The following EPHB6 variants were observed in gnomAD, a reference collection of about 807,000 sequenced individuals.
EPHB6 encodes the protein EPH receptor B6.
EPHB6 carries 51 observed loss-of-function variants against 107.0 expected under a neutral mutation model. That is an observed-to-expected ratio of 0.48 (90% confidence interval 0.38 to 0.60). The LOEUF (loss-of-function observed/expected upper bound fraction) is 0.60, where lower values mean the gene tolerates loss of function less well. Among genes scored for constraint, EPHB6 ranks in the 20% least tolerant of loss-of-function variants. EPHB6 has a pLI of 0.00. For synonymous variants in EPHB6, 553 were observed against 549.0 expected (o/e 1.01, Z -0.10); for missense variants, 1,141 against 1,355.5 (o/e 0.84, Z 2.48).
intron 1 of EPHB6, among the ~76,000 whole-genome samples, chr7:142,857,407 C>T (rs1802654370): frequency 6.6e-6 from 1 of 152,130 alleles, no homozygotes; most frequent in Non-Finnish European, 1.5e-5. Context: ...GGCCAGAGCA[C>T]GAAGAGATCT....
chr7:142,869,821 C>T lies in EPHB6; in HGVS notation c.2465C>T (p.Pro822Leu). 6.2e-7 allele frequency: 1 copy of T among 1,614,204 alleles called. No homozygotes were observed. Among genetic ancestry groups the T allele is most frequent in the Non-Finnish European group, 8.5e-7 (1 of 1,180,046 alleles). ...GCTTTTGACTTTACCCCTCAGGGCCCAAGTTGTTTGCTTCGCTGGGCAGCC... is the reference window on the plus strand; with the variant it reads ...GCTTTTGACTTTACCCCTCAGGGCCTAAGTTGTTTGCTTCGCTGGGCAGCC... ...VARLGHSPQG[P>L]SCLLRWAAPE... Residue 822 changes from proline (P) to leucine (L), a missense_variant, in exon 17 of 20, where the codon CCA (proline) becomes CTA (leucine). Physicochemically the swap from Pro to Leu is moderately conservative, Grantham distance 98. This residue lies in a region of EPHB6 where 616 missense variants were observed against 759.3 expected (regional missense o/e 0.81). Transcript: ENST00000652003. The surrounding 1 kb of genome is among the most constrained non-coding windows in gnomAD (Gnocchi z 4.5).
At chr7:142,865,767 C>A in intron 8 of EPHB6, 137 bp downstream of exon 8, 1 of 1,271,064 alleles carries the variant, frequency 7.9e-7, no homozygotes, top group Non-Finnish European at 1.1e-6. Flanking sequence ...CCTCCCCTCC[C>A]TGTCCCCACC....
Position 142,864,643 on chromosome 7 carries a change from C to A in EPHB6, c.843C>A (p.Ser281Arg). 1.9e-6 allele frequency: 3 copies of A among 1,611,684 alleles called. No individual in the cohort carries two copies. The highest frequency in any genetic ancestry group is 2.5e-6 in the Non-Finnish European group (3 of 1,179,150). Reference protein sequence around the residue: ...EDGVGGQAGGSPPRLHCNGEG... With the variant: ...EDGVGGQAGGRPPRLHCNGEG... ...GAGTAGGGGGCCAGGCAGGAGGCAG[C>A]CCCCCCAGGCTGCACTGCAACGGGG... The change falls in exon 7 of 20, where the codon AGC becomes AGA. Residue 281 changes from serine (S) to arginine (R), a missense_variant. By Grantham distance (110) the Ser-to-Arg change is moderately radical. Around this residue, in one of 3 missense-constraint regions of EPHB6, gnomAD observed 304 missense variants for 295.7 expected, o/e 1.03. Transcript: ENST00000652003.
chr7:142,858,727 A>G (rs1417149765), intron 1 of EPHB6, among the ~76,000 whole-genome samples: 1 of 148,594 alleles, frequency 6.7e-6, no homozygotes, highest in Non-Finnish European at 1.5e-5. Flanking sequence ...TTTCATTTTT[A>G]TAGCAACATA....
Position 142,869,818 on chromosome 7 carries a change from G to T in EPHB6, c.2462G>T (p.Gly821Val), listed in dbSNP as rs144022580. The change falls in exon 17 of 20, where the codon GGC becomes GTC. Residue 821 changes from glycine to valine, a missense_variant and splice_region_variant. By Grantham distance (109) the Gly-to-Val change is moderately radical (BLOSUM62 -3). Coordinates refer to ENST00000652003, the MANE Select transcript of EPHB6 (RefSeq NM_004445.6). This position sits in a 1 kb window ranked among gnomAD's most constrained non-coding sequence, Gnocchi z 4.5. ...KVARLGHSPQ[G>V]PSCLLRWAAP... ...TTTGCTTTTGACTTTACCCCTCAGG[G>T]CCCAAGTTGTTTGCTTCGCTGGGCA... 1.8e-4 allele frequency: 294 copies of T among 1,614,182 alleles called. 2 individuals carry two copies. In the South Asian group the frequency reaches 3.1e-3, roughly 17 times the overall value.
rs1167117665 is a variant in EPHB6 at position 142,868,231 on chromosome 7, A to T, written c.1919-10A>T. 6.2e-7 allele frequency: 1 copy of T among 1,613,830 alleles called. No individual in the cohort carries two copies. Among genetic ancestry groups the T allele is most frequent in the Non-Finnish European group, 8.5e-7 (1 of 1,179,922 alleles). ...ACAACACGCTCATAACATACTCCACACCCCTCCAGGACTCGGGGTGAAGTA... is the reference window on the plus strand; with the variant it reads ...ACAACACGCTCATAACATACTCCACTCCCCTCCAGGACTCGGGGTGAAGTA... On this transcript the variant is annotated splice_polypyrimidine_tract_variant and intron_variant, in intron 13 of 19. Coordinates refer to ENST00000652003, the MANE Select transcript of EPHB6 (RefSeq NM_004445.6). The surrounding 1 kb of genome is among the most constrained non-coding windows in gnomAD (Gnocchi z 4.2).
Position 142,864,553 on chromosome 7 carries a change from T to TG in EPHB6, c.760dup (p.Ala254GlyfsTer71), listed in dbSNP as rs756241644. The stretch of plus-strand genomic sequence containing the variant: ...TTCCAGAGACGCAGGCCAGTGGGGC[T>TG]GGGGGGGCCTCCCTGGTGGCAGCTG... On this transcript the variant is annotated frameshift_variant, in exon 7 of 20. Coordinates refer to ENST00000652003, the MANE Select transcript of EPHB6 (RefSeq NM_004445.6). LOFTEE classifies it high-confidence loss of function. The TG allele has an allele frequency of 1.4e-5, 22 of 1,613,020 alleles. No homozygotes were observed. Among genetic ancestry groups the TG allele is most frequent in the Admixed American group, 1.7e-5 (1 of 60,002 alleles).
rs760618193 is a variant in EPHB6, at chr7:142,864,452, G to A, written c.652G>A (p.Gly218Arg). 1.9e-6 allele frequency: 3 copies of A among 1,612,810 alleles called. No homozygotes were observed. Among genetic ancestry groups the A allele is most frequent in the South Asian group, 1.1e-5 (1 of 91,062 alleles). ...CTTCTACGTGGCCTTCCAGGACACG[G>A]GGGCCTGCCTGGCCCTGGTCGCTGT... is the stretch of plus-strand genomic sequence containing the variant. ...RGFYVAFQDT[G>R]ACLALVAVRL... is the part of the protein sequence containing the mutation. Residue 218 changes from glycine to arginine, a missense_variant, in exon 7 of 20, where the codon GGG (glycine) becomes AGG (arginine). Around this residue, in one of 3 missense-constraint regions of EPHB6, gnomAD observed 221 missense variants for 300.5 expected, o/e 0.74. Transcript: ENST00000652003.
In EPHB6 at chr7:142,865,483, C is replaced by T. The variant is rs745425973; in HGVS notation, c.958C>T (p.Arg320Trp). Residue 320 changes from arginine (R) to tryptophan (W), a missense_variant, in exon 8 of 20, where the codon CGG becomes TGG. Physicochemically the swap from Arg to Trp is moderately radical, Grantham distance 101. This residue lies in a region of EPHB6 where 304 missense variants were observed against 295.7 expected (regional missense o/e 1.03). Transcript: ENST00000652003. ...CTCCTCTGCCTCCTCAGCCTGCCCA[C>T]GGGGGCTCTATAAGGCTTCTGCTGG... ...RGDKACQACP[R>W]GLYKASAGNA... 27 of 1,613,098 alleles carry T rather than the reference C, an allele frequency of 1.7e-5. No individual in the cohort carries two copies. Among genetic ancestry groups the T allele is most frequent in the South Asian group, 6.6e-5 (6 of 91,042 alleles).
At chr7:142,859,719 G>T (rs1438951184) in intron 1 of EPHB6, among the ~76,000 whole-genome samples, 1 of 152,000 alleles carries the variant, frequency 6.6e-6, no homozygotes, top group African/African-American at 2.4e-5. Flanking sequence ...TATCCTTCTG[G>T]GTACTTTAAG....
rs756659047 is a variant in EPHB6, at chr7:142,864,108, C to T, written c.308C>T (p.Ala103Val). 1.1e-5 allele frequency: 18 copies of T among 1,613,894 alleles called. No individual in the cohort carries two copies. The highest frequency in any genetic ancestry group is 4.4e-5 in the South Asian group (4 of 91,090). The change falls in exon 7 of 20, where the codon GCG (alanine) becomes GTG (valine). Residue 103 changes from alanine (A) to valine (V), a missense_variant. Coordinates refer to ENST00000652003, the MANE Select transcript of EPHB6 (RefSeq NM_004445.6). Reference protein sequence around the residue: ...HFVERRGAQRAHIRLHFSVRA... With the variant: ...HFVERRGAQRVHIRLHFSVRA... ...GTGGAGCGGCGCGGGGCCCAGAGGG[C>T]GCACATTCGACTCCACTTCTCTGTG...
chr7:142,863,532 C>G (rs1332532035), intron 5 of EPHB6, 99 bp from the exon 6 acceptor site: 1 of 1,442,800 alleles, frequency 6.9e-7, no homozygotes, highest in African/African-American at 1.4e-5. Context: ...AGACATGGGC[C>G]CGGGTGGGGC....
intron 1 of EPHB6, among the ~76,000 whole-genome samples, chr7:142,857,338 C>G (rs1317179286): frequency 6.6e-6 from 1 of 152,242 alleles, no homozygotes. Context: ...GCCACCTCCT[C>G]ACTGTCTGTC....
rs1794763684 is a variant in EPHB6, at chr7:142,869,024, A to C, written c.2337A>C (p.Gly779=). The C allele has an allele frequency of 3.1e-6, 5 of 1,612,036 alleles. No homozygotes were observed. Among genetic ancestry groups the C allele is most frequent in the Non-Finnish European group, 3.4e-6 (4 of 1,179,880 alleles). The stretch of plus-strand genomic sequence containing the variant: ...TGCAGCTGGTGGCCATGCAGCGGGG[A>C]GTGGCTGCTGCCATGCAGTACCTGT... The part of the protein sequence containing the change: ...SSLQLVAMQR[G]VAAAMQYLSS... The change falls in exon 16 of 20, where the codon GGA becomes GGC. Residue 779 remains glycine, a synonymous_variant. Coordinates refer to ENST00000652003, the MANE Select transcript of EPHB6 (RefSeq NM_004445.6). The surrounding 1 kb of genome is among the most constrained non-coding windows in gnomAD (Gnocchi z 4.5).
Position 142,866,352 on chromosome 7 carries a change from C to T in EPHB6, c.1462+36C>T, listed in dbSNP as rs1401720007. 1 of 1,612,622 alleles carries T rather than the reference C, an allele frequency of 6.2e-7. No homozygotes were observed. Among genetic ancestry groups the T allele is most frequent in the Non-Finnish European group, 8.5e-7 (1 of 1,179,538 alleles). The stretch of plus-strand genomic sequence containing the variant: ...TTCCTTGGCCTTCAGGATCCCCTGC[C>T]TCCGCTCCTTTGAGCCCCCTTCCCT... On this transcript the variant is annotated intron_variant, in intron 9 of 19. Transcript: ENST00000652003. The surrounding 1 kb of genome is among the most constrained non-coding windows in gnomAD (Gnocchi z 5.2).
In EPHB6 at chr7:142,864,706, C is replaced by A. The variant is rs2116428704; in HGVS notation, c.906C>A (p.Cys302Ter). 1 of 1,612,896 alleles carries A rather than the reference C, an allele frequency of 6.2e-7. No homozygotes were observed. Among genetic ancestry groups the A allele is most frequent in the East Asian group, 2.2e-5 (1 of 44,856 alleles). Reference sequence around the variant, plus strand: ...TGGTAGCTGTCGGGGGCTGCCGCTGCCAGCCTGGATACCAACCAGCACGAG... The same window carrying A: ...TGGTAGCTGTCGGGGGCTGCCGCTGACAGCCTGGATACCAACCAGCACGAG... Reference protein sequence around the residue: ...KWMVAVGGCRCQPGYQPARGD... With the variant: ...KWMVAVGGCR Residue 302 changes from cysteine to a stop codon, truncating the protein, a stop_gained, in exon 7 of 20, where the codon TGC becomes TGA. Coordinates refer to ENST00000652003, the MANE Select transcript of EPHB6 (RefSeq NM_004445.6). LOFTEE classifies it high-confidence loss of function.
chr7:142,864,481 G>T lies in EPHB6; in HGVS notation c.681G>T (p.Arg227Ser). 6.2e-7 allele frequency: 1 copy of T among 1,613,220 alleles called. No homozygotes were observed. The change falls in exon 7 of 20, where the codon AGG becomes AGT. Residue 227 changes from arginine to serine, a missense_variant. By Grantham distance (110) the Arg-to-Ser change is moderately radical (BLOSUM62 -1). Around this residue, in one of 3 missense-constraint regions of EPHB6, gnomAD observed 304 missense variants for 295.7 expected, o/e 1.03. Transcript: ENST00000652003. ...TGACLALVAV[R>S]LFSYTCPAVL... Reference sequence around the variant, plus strand: ...CCTGCCTGGCCCTGGTCGCTGTCAGGCTCTTCTCCTACACCTGCCCTGCCG... The same window carrying T: ...CCTGCCTGGCCCTGGTCGCTGTCAGTCTCTTCTCCTACACCTGCCCTGCCG...
rs977227894 is a variant in EPHB6 at position 142,871,005 on chromosome 7, C to A, written c.*101C>A. On this transcript the variant is annotated 3_prime_UTR_variant, in exon 20 of 20. Transcript: ENST00000652003. The stretch of plus-strand genomic sequence containing the variant: ...AGCCTCTGTGAGAGATGCCCCACAC[C>A]AAACCCAACCCTCCCGATGGCTGCA... 4 of 1,087,886 alleles carry A rather than the reference C, an allele frequency of 3.7e-6. No individual in the cohort carries two copies. Among genetic ancestry groups the A allele is most frequent in the Non-Finnish European group, 5.3e-6 (4 of 748,830 alleles). 67.4% of individuals were successfully genotyped at this position (1,087,886 alleles called of 1,614,324 possible).
chr7:142,862,921 T>C (rs560232443), intron 4 of EPHB6, 88 bp downstream of exon 4: 27 of 375,010 alleles, frequency 7.2e-5, no homozygotes, highest in Admixed American at 1.6e-4. Flanking sequence ...ACACAGGGAG[T>C]AGGCACGAAC....
Sources: gnomAD v4.1 joint callset for allele counts (sites outside exome capture counted in the v4.1 genomes callset) on GRCh38, gnomAD v4.1.1 for gene constraint, gnomAD v4.1.1 regional missense constraint, Gnocchi (gnomAD v3.1) non-coding constraint, MANE v1.5 for transcripts, NCBI Gene and HGNC (gene_info 2026-07-23, HGNC 2026-07-21) for gene names.